RIGI: variants seen among roughly 807,000 people sequenced by gnomAD.
RIGI encodes the protein RNA sensor RIG-I, also known as antiviral innate immune response receptor RIG-I.
At chr9:32,456,336 T>C in the RIGI span, 1 of 152,114 alleles carries the variant, frequency 6.6e-6, no homozygotes, top group Non-Finnish European at 1.5e-5. Context: ...GGATACACAT[T>C]GCTACATACA....
the RIGI span, among the ~76,000 whole-genome samples, chr9:32,498,996 A>AC: frequency 0.019 from 2,842 of 151,678 alleles, 104 homozygotes; most frequent in African/African-American, 0.064. Flanking sequence ...AAAAAAAAAA[A>AC]AAAAAAAAAG....
At chr9:32,466,733 G>A in the RIGI span, among the ~76,000 whole-genome samples, 1 of 145,928 alleles carries the variant, frequency 6.9e-6, no homozygotes, top group East Asian at 2.1e-4. Context: ...AAATGCAGGT[G>A]TGCACCTGCA....
the RIGI span, chr9:32,473,017 G>A: frequency 1.2e-6 from 2 of 1,610,228 alleles, no homozygotes; most frequent in Non-Finnish European, 8.5e-7. Flanking sequence ...AATATGCCAG[G>A]TTTTAGAAAA....
chr9:32,468,983 ATG>A, the RIGI span, among the ~76,000 whole-genome samples: 3 of 152,072 alleles, frequency 2.0e-5, no homozygotes, highest in African/African-American at 4.8e-5. Context: ...GACAGAGGTC[ATG>A]TGTGTCTCTT....
At chr9:32,472,890 T>C in the RIGI span, 1 of 655,420 alleles carries the variant, frequency 1.5e-6, no homozygotes, top group Non-Finnish European at 2.3e-6. Context: ...ATATATTATA[T>C]ATATACACAC....
At chr9:32,460,186 C>T in the RIGI span, among the ~76,000 whole-genome samples, 2 of 152,192 alleles carry the variant, frequency 1.3e-5, no homozygotes, top group African/African-American at 4.8e-5. Context: ...CTGCCTCCCT[C>T]CGTGATTCTG....
At chr9:32,471,919 G>T in the RIGI span, among the ~76,000 whole-genome samples, 1 of 152,124 alleles carries the variant, frequency 6.6e-6, no homozygotes, top group Admixed American at 6.5e-5. Flanking sequence ...TGAAGGGAAA[G>T]TGCGAGGGTG....
the RIGI span, among the ~76,000 whole-genome samples, chr9:32,516,973 T>C: frequency 7.2e-5 from 11 of 152,340 alleles, 1 homozygote; most frequent in African/African-American, 2.6e-4. Flanking sequence ...GTCAATATAG[T>C]AATGGGAAAT....
At chr9:32,478,765 G>T in the RIGI span, among the ~76,000 whole-genome samples, 1 of 151,996 alleles carries the variant, frequency 6.6e-6, no homozygotes, top group Non-Finnish European at 1.5e-5. Flanking sequence ...TCGCCATGCT[G>T]CCCAGACTGA....
At chr9:32,501,612 T>C in the RIGI span, among the ~76,000 whole-genome samples, 1 of 152,166 alleles carries the variant, frequency 6.6e-6, no homozygotes, top group Non-Finnish European at 1.5e-5. Context: ...CTTTGTACAC[T>C]AATTTCATGC....
At chr9:32,461,358 G>T in the RIGI span, among the ~76,000 whole-genome samples, 1 of 152,224 alleles carries the variant, frequency 6.6e-6, no homozygotes. Context: ...CATGAAGGAA[G>T]AAAGAACACA....
the RIGI span, among the ~76,000 whole-genome samples, chr9:32,520,507 G>A: frequency 2.0e-5 from 3 of 152,070 alleles, no homozygotes; most frequent in South Asian, 4.1e-4. Flanking sequence ...ATGAAGCCTC[G>A]TCTTCAGACT....
the RIGI span, chr9:32,487,665 T>C: frequency 1.2e-6 from 2 of 1,605,206 alleles, no homozygotes; most frequent in Admixed American, 1.7e-5. Context: ...ATTAGATGTC[T>C]GAGAAATGGT....
chr9:32,458,716 C>T, the RIGI span, among the ~76,000 whole-genome samples: 350 of 152,236 alleles, frequency 2.3e-3, 2 homozygotes, highest in African/African-American at 7.8e-3. Flanking sequence ...ACCCTTTACC[C>T]AGTTTCCCCA....
At chr9:32,459,245 T>A in the RIGI span, 5 of 1,206,628 alleles carry the variant, frequency 4.1e-6, no homozygotes, top group African/African-American at 1.6e-5. Context: ...TAGCTTTTTT[T>A]AAATACACAG....
chr9:32,482,080 G>GAT, the RIGI span, among the ~76,000 whole-genome samples: 2 of 152,084 alleles, frequency 1.3e-5, no homozygotes, highest in Non-Finnish European at 2.9e-5. Context: ...CCCCCATTGA[G>GAT]ATAACACCAC....
At chr9:32,521,358 G>A in the RIGI span, among the ~76,000 whole-genome samples, 1 of 152,102 alleles carries the variant, frequency 6.6e-6, no homozygotes, top group Non-Finnish European at 1.5e-5. Flanking sequence ...AGAAAAGGAA[G>A]AGGGAGAGAC....
the RIGI span, among the ~76,000 whole-genome samples, chr9:32,510,765 A>C: frequency 5.9e-5 from 9 of 152,252 alleles, no homozygotes; most frequent in African/African-American, 1.7e-4. Flanking sequence ...AATGGGCTAA[A>C]TGCCCCAATT....
chr9:32,497,507 G>A, the RIGI span, among the ~76,000 whole-genome samples: 17 of 152,286 alleles, frequency 1.1e-4, no homozygotes, highest in African/African-American at 3.9e-4. Flanking sequence ...AAGCACTTTG[G>A]GAGGCCGAGG....
Sources: allele counts gnomAD v4.1 joint callset (sites outside exome capture counted in the v4.1 genomes callset), GRCh38; gene constraint gnomAD v4.1.1; transcripts MANE v1.5; gene names NCBI Gene and HGNC (gene_info 2026-07-23, HGNC 2026-07-21).